The following TOGARAM2 variants were observed in gnomAD, a reference collection of about 807,000 sequenced individuals.
The protein encoded by TOGARAM2 is TOG array regulator of axonemal microtubules protein 2.
TOGARAM2 carries 85 observed loss-of-function variants against 93.3 expected under a neutral mutation model. That is an observed-to-expected ratio of 0.91 (90% CI 0.76 to 1.09). The LOEUF (loss-of-function observed/expected upper bound fraction) is 1.09. Ranked by LOEUF, TOGARAM2 falls within the 50% of genes least tolerant of loss-of-function variation. The probability of loss-of-function intolerance (pLI) is 0.00; values close to 1 mark genes in which losing one functional copy is unlikely to be tolerated. For missense variants in TOGARAM2, 1,277 were observed against 1,334.5 expected (o/e 0.96, Z 0.67); for synonymous variants, 593 against 552.8 (o/e 1.07, Z -1.02).
At chr2:28,998,020 GT>G (rs888806379) in intron 2 of TOGARAM2, 122 bp from the exon 3 acceptor site, 2 of 609,852 alleles carry the variant, frequency 3.3e-6, no homozygotes, top group African/African-American at 1.9e-5. Context: ...ACATGCCTTG[GT>G]TTTTTGGGCA....
intron 14 of TOGARAM2, among the ~76,000 whole-genome samples, chr2:29,027,915 G>A (rs1272255588): frequency 6.6e-6 from 1 of 151,978 alleles, no homozygotes; most frequent in East Asian, 1.9e-4. Context: ...AGGGGTGGGG[G>A]TGAGGGTGGG....
intron 1 of TOGARAM2, among the ~76,000 whole-genome samples, chr2:28,973,289 G>C (rs1671974088): frequency 6.6e-6 from 1 of 152,080 alleles, no homozygotes; most frequent in Non-Finnish European, 1.5e-5. Flanking sequence ...CAACTCTATG[G>C]TTCCCTTCCT....
intron 6 of TOGARAM2, among the ~76,000 whole-genome samples, chr2:29,007,040 G>T (rs2148310506): frequency 6.6e-6 from 1 of 152,218 alleles, no homozygotes; most frequent in Non-Finnish European, 1.5e-5. Context: ...AGCTTCCTGT[G>T]TGCCCTCTTC....
chr2:29,030,212 GT>G (rs1665682793), intron 14 of TOGARAM2, among the ~76,000 whole-genome samples: 1 of 152,138 alleles, frequency 6.6e-6, no homozygotes, highest in African/African-American at 2.4e-5. Context: ...GGAGGCACTG[GT>G]TGCGGTGAGC....
intron 1 of TOGARAM2, among the ~76,000 whole-genome samples, chr2:28,976,163 G>A (rs1181473246): frequency 6.6e-6 from 1 of 152,196 alleles, no homozygotes; most frequent in Non-Finnish European, 1.5e-5. Flanking sequence ...GAGGTCAGGA[G>A]ATCGAGACCA....
chr2:28,957,103 T>TCAAAAAA (rs1463380647), intron 1 of TOGARAM2, among the ~76,000 whole-genome samples: 1 of 152,010 alleles, frequency 6.6e-6, no homozygotes, highest in Non-Finnish European at 1.5e-5. Context: ...AGACTTTGTC[T>TCAAAAAA]CAAAAAACAA....
At position 29,033,511 on chromosome 2, in the gene TOGARAM2, A is replaced by C. The variant is rs1282565634; in HGVS notation, c.2173A>C (p.Lys725Gln). Residue 725 changes from lysine (K) to glutamine (Q), a missense_variant, in exon 16 of 20, where the codon AAG (lysine) becomes CAG (glutamine). Coordinates refer to ENST00000379558, the MANE Select transcript of TOGARAM2 (RefSeq NM_199280.4). ...NDELPSAKGRKVLRSLVVCEN... is the reference protein window; with the variant it reads ...NDELPSAKGRQVLRSLVVCEN... The stretch of plus-strand genomic sequence containing the variant: ...TGAACTTCCCTCTGCCAAAGGCCGC[A>C]AGGTGTTGAGGAGTCTGGTGGTGTG... 1 of 1,613,752 alleles carries C rather than the reference A, an allele frequency of 6.2e-7. No homozygotes were observed. The highest frequency in any genetic ancestry group is 8.5e-7 in the Non-Finnish European group (1 of 1,179,832).
chr2:29,029,264 T>TACACACAC (rs146395549), intron 14 of TOGARAM2, among the ~76,000 whole-genome samples: 17,729 of 147,808 alleles, frequency 0.12, 1,245 homozygotes, highest in South Asian at 0.2. Context: ...TATGTGTGTA[T>TACACACAC]ACACACACAC....
intron 1 of TOGARAM2, among the ~76,000 whole-genome samples, chr2:28,991,003 T>TGTGTGAAGG (rs1233234875): frequency 4.9e-5 from 7 of 141,774 alleles, no homozygotes; most frequent in Admixed American, 3.5e-4. Context: ...TGTGTGTGTG[T>TGTGTGAAGG]GTGTGTGTGT....
chr2:29,005,118 GGT>G (rs1175404511), intron 6 of TOGARAM2, among the ~76,000 whole-genome samples: 1 of 144,560 alleles, frequency 6.9e-6, no homozygotes, highest in African/African-American at 2.7e-5. Flanking sequence ...CATGTGTATG[GGT>G]GTGTGTGCAT....
chr2:29,034,551 C>T (rs1207852515), intron 16 of TOGARAM2, among the ~76,000 whole-genome samples: 1 of 152,206 alleles, frequency 6.6e-6, no homozygotes. Flanking sequence ...AGGAGTGAAT[C>T]ACAGAATGAG....
chr2:28,984,800 A>G (rs1183510489), intron 1 of TOGARAM2, among the ~76,000 whole-genome samples: 1 of 152,196 alleles, frequency 6.6e-6, no homozygotes, highest in Non-Finnish European at 1.5e-5. Context: ...ATGCGGTGGT[A>G]TCCTACCCCT....
chr2:29,024,794 A>G (rs57788514), intron 13 of TOGARAM2, among the ~76,000 whole-genome samples: 21,723 of 152,134 alleles, frequency 0.14, 2,338 homozygotes, highest in African/African-American at 0.31. Flanking sequence ...CAGCCTGAGC[A>G]TGGGCCCTGG....
intron 1 of TOGARAM2, among the ~76,000 whole-genome samples, chr2:28,957,821 G>A (rs1671748566): frequency 6.6e-6 from 1 of 152,108 alleles, no homozygotes; most frequent in Non-Finnish European, 1.5e-5. Flanking sequence ...AATAGGAGAG[G>A]TGTTTTTTTG....
At chr2:29,026,537 T>G (rs11692581) in intron 13 of TOGARAM2, among the ~76,000 whole-genome samples, 31,629 of 152,056 alleles carry the variant, frequency 0.21, 3,433 homozygotes, top group Middle Eastern at 0.3. Flanking sequence ...GGAGGGAAGA[T>G]GGAGAAGAGT....
Position 29,006,827 on chromosome 2 carries a change from CT to C in TOGARAM2, c.830+3148del, listed in dbSNP as rs1171942665. Among the ~76,000 whole-genome samples, 3 of 152,170 alleles carry C rather than the reference CT, an allele frequency of 2.0e-5. No homozygotes were observed. The East Asian group carries it at 5.8e-4, about 29-fold the overall frequency. On this transcript the variant is annotated intron_variant, in intron 6 of 19. Coordinates refer to ENST00000379558, the MANE Select transcript of TOGARAM2 (RefSeq NM_199280.4). ...TCCTCACCATTGCACACGTCCTCCC[CT>C]TTCCCACTCAGACGCTGGCCTCTTC...
At chr2:28,964,695 T>A (rs976173220) in intron 1 of TOGARAM2, among the ~76,000 whole-genome samples, 1 of 147,960 alleles carries the variant, frequency 6.8e-6, no homozygotes, top group Non-Finnish European at 1.5e-5. Context: ...TGTGTCCATG[T>A]GTTCTCATTG....
chr2:29,024,437 C>A, intron 13 of TOGARAM2, 63 bp downstream of exon 13: 1 of 1,334,344 alleles, frequency 7.5e-7, no homozygotes, highest in Non-Finnish European at 1.0e-6. Context: ...AGGGGAGAGG[C>A]CCTGGGATGT....
At position 29,011,094 on chromosome 2, in the gene TOGARAM2, C is replaced by T. The variant is rs571191107; in HGVS notation, c.831-361C>T. 3.9e-5 allele frequency among the ~76,000 whole-genome samples: 6 copies of T among 152,266 alleles called. No individual in the cohort carries two copies. The South Asian group carries it at 1.2e-3, about 32-fold the overall frequency. Reference sequence around the variant, plus strand: ...GCTGTCTAAGCTGGGAGGCAGTTTACCCTTGTTTACTGCAGCTGCTGTCAA... The same window carrying T: ...GCTGTCTAAGCTGGGAGGCAGTTTATCCTTGTTTACTGCAGCTGCTGTCAA... On this transcript the variant is annotated intron_variant, in intron 6 of 19. Transcript: ENST00000379558.
Sources: allele counts gnomAD v4.1 joint callset (sites outside exome capture counted in the v4.1 genomes callset), GRCh38; gene constraint gnomAD v4.1.1; transcripts MANE v1.5; gene names NCBI Gene and HGNC (gene_info 2026-07-23, HGNC 2026-07-21).